Variants in PPP4R3B observed in about 807,000 individuals in gnomAD.
The protein encoded by PPP4R3B is serine/threonine-protein phosphatase 4 regulatory subunit 3B.
Under a neutral mutation model 95.4 loss-of-function variants are expected in PPP4R3B, and 52 were observed. The ratio of observed to expected loss-of-function variants is 0.54; its 90% confidence interval spans 0.44 to 0.69. The LOEUF (loss-of-function observed/expected upper bound fraction) is 0.69. PPP4R3B is among the 30% of genes least tolerant of loss of function. The pLI is 0.00. For missense variants in PPP4R3B, 1,003 were observed against 1,005.9 expected, an observed-to-expected ratio of 1.00 and a Z score of 0.04; for synonymous variants, 407 against 343.9, an observed-to-expected ratio of 1.18 and a Z score of -2.03.
At position 55,568,178 on chromosome 2, in the gene PPP4R3B, T is replaced by C. The variant is rs772039738; in HGVS notation, c.1935+16A>G. The stretch of plus-strand genomic sequence containing the variant: ...ATATAATTACATATAATAACAGCTG[T>C]TTTATATAAACTTACCACTCTTATA... On this transcript the variant is annotated intron_variant, in intron 13 of 16. Coordinates refer to ENST00000616407, the MANE Select transcript of PPP4R3B (RefSeq NM_001122964.3). The C allele has an allele frequency of 1.4e-6, 2 of 1,477,776 alleles. No individual in the cohort carries two copies. Among genetic ancestry groups the C allele is most frequent in the South Asian group, 3.0e-5 (2 of 66,572 alleles). 91.5% of individuals were successfully genotyped at this position (1,477,776 alleles called of 1,614,324 possible).
chr2:55,581,792 T>C (rs189312607), intron 7 of PPP4R3B, 94 bp from the exon 8 acceptor site: 579 of 1,349,228 alleles, frequency 4.3e-4, no homozygotes, highest in Middle Eastern at 1.4e-3. Flanking sequence ...AAGTGAGAAT[T>C]ATATAGAGAA....
At chr2:55,585,910 A>G (rs1164240669) in intron 6 of PPP4R3B, among the ~76,000 whole-genome samples, 1 of 151,772 alleles carries the variant, frequency 6.6e-6, no homozygotes, top group Non-Finnish European at 1.5e-5. Context: ...CTCTCATTCA[A>G]TCACAAGTAC....
rs1695093847 is a variant in PPP4R3B, at chr2:55,617,264, C to T, written c.22G>A (p.Val8Met). Residue 8 changes from valine to methionine, a missense_variant, in exon 1 of 17, where the codon GTG becomes ATG. Physicochemically the swap from Val to Met is conservative, Grantham distance 21. Coordinates refer to ENST00000616407, the MANE Select transcript of PPP4R3B (RefSeq NM_001122964.3). ...TCTTCGTTCAGGGTATAGACCTTCA[C>T]TCGCCGCCGCGTATCCGACATGGTG... MSDTRRRVKVYTLNEDRQ... is the reference protein window; with the variant it reads MSDTRRRMKVYTLNEDRQ... 1 of 1,602,180 alleles carries T rather than the reference C, an allele frequency of 6.2e-7. No homozygotes were observed. Among genetic ancestry groups the T allele is most frequent in the African/African-American group, 1.3e-5 (1 of 74,456 alleles).
intron 2 of PPP4R3B, among the ~76,000 whole-genome samples, chr2:55,606,464 C>T (rs1693406452): frequency 6.6e-6 from 1 of 151,890 alleles, no homozygotes; most frequent in Admixed American, 6.6e-5. Flanking sequence ...GCAAGTGGAT[C>T]ACTTGAGGCC....
chr2:55,603,834 G>C lies in PPP4R3B; in HGVS notation c.297+144C>G, dbSNP rs55715732. On this transcript the variant is annotated intron_variant, in intron 3 of 16. Coordinates refer to ENST00000616407, the MANE Select transcript of PPP4R3B (RefSeq NM_001122964.3). Reference sequence around the variant, plus strand: ...ACTTAAAGTAAAATAATTTGCCGTAGAATATAAAAAATTTCAAGTTAGATT... The same window carrying C: ...ACTTAAAGTAAAATAATTTGCCGTACAATATAAAAAATTTCAAGTTAGATT... 3 of 516,552 alleles carry C rather than the reference G, an allele frequency of 5.8e-6. No homozygotes were observed. In the African/African-American group the frequency reaches 5.9e-5, roughly 10 times the overall value. 32.0% of individuals were successfully genotyped at this position (516,552 alleles called of 1,614,324 possible).
chr2:55,582,128 C>T (rs1314937885), intron 7 of PPP4R3B, among the ~76,000 whole-genome samples: 1 of 152,016 alleles, frequency 6.6e-6, no homozygotes, highest in East Asian at 1.9e-4. Context: ...CTAGTAAATC[C>T]TTCCTAACAA....
At chr2:55,569,311 A>G (rs1469096610) in intron 12 of PPP4R3B, among the ~76,000 whole-genome samples, 2 of 152,102 alleles carry the variant, frequency 1.3e-5, no homozygotes, top group Admixed American at 1.3e-4. Flanking sequence ...AGACCGGGAA[A>G]GGGAGTCACC....
At chr2:55,597,957 C>T (rs771842575) in intron 4 of PPP4R3B, among the ~76,000 whole-genome samples, 1 of 152,308 alleles carries the variant, frequency 6.6e-6, no homozygotes, top group Middle Eastern at 3.4e-3. Flanking sequence ...GTGGCTCACG[C>T]CTATAATCCC....
Position 55,598,445 on chromosome 2 carries a change from TGAA to T in PPP4R3B, c.889_891del (p.Phe297del). 1 of 1,613,876 alleles carries T rather than the reference TGAA, an allele frequency of 6.2e-7. No homozygotes were observed. The highest frequency in any genetic ancestry group is 8.5e-7 in the Non-Finnish European group (1 of 1,179,962). On this transcript the variant is annotated inframe_deletion, in exon 4 of 17. Transcript: ENST00000616407. ...AACATGCTGACTATCTCAACTTTGT[TGAA>T]GAAAATAAAAGACGTAAGAGTAGAA...
At chr2:55,617,086 C>T (rs2103963832) in intron 1 of PPP4R3B, 58 bp downstream of exon 1, 1 of 1,530,060 alleles carries the variant, frequency 6.5e-7, no homozygotes, top group Admixed American at 2.1e-5. Context: ...GGCCCTAAAC[C>T]CAAGCTGTGC....
At chr2:55,564,172 A>G (rs1397495509) in intron 15 of PPP4R3B, 141 bp downstream of exon 15, 7 of 617,012 alleles carry the variant, frequency 1.1e-5, no homozygotes, top group South Asian at 3.8e-5. Context: ...GAAAAAGTAC[A>G]TAATTTTAAA....
At chr2:55,562,753 C>T (rs1469460125) in intron 15 of PPP4R3B, among the ~76,000 whole-genome samples, 1 of 152,190 alleles carries the variant, frequency 6.6e-6, no homozygotes, top group Non-Finnish European at 1.5e-5. Flanking sequence ...CCATTCTATG[C>T]TAGAACTCTA....
At chr2:55,566,226 T>C (rs763137601) in intron 13 of PPP4R3B, among the ~76,000 whole-genome samples, 48 of 152,182 alleles carry the variant, frequency 3.2e-4, no homozygotes, top group Non-Finnish European at 1.3e-4. Context: ...TACTTCTCAA[T>C]TGAAAAAAAA....
Position 55,564,896 on chromosome 2 carries a change from C to T in PPP4R3B, c.2075+6G>A, listed in dbSNP as rs759687350. On this transcript the variant is annotated splice_donor_region_variant and intron_variant, in intron 14 of 16. Coordinates refer to ENST00000616407, the MANE Select transcript of PPP4R3B (RefSeq NM_001122964.3). ...AGGCTATAAAAGCAGTATACTTAAA[C>T]AATACCTGTTCAGTTTCTGATTTTG... 11 of 1,608,122 alleles carry T rather than the reference C, an allele frequency of 6.8e-6. No individual in the cohort carries two copies. The Admixed American group carries it at 8.5e-5, about 12-fold the overall frequency.
intron 6 of PPP4R3B, 44 bp from the exon 7 acceptor site, chr2:55,585,211 G>T: frequency 1.4e-6 from 2 of 1,390,134 alleles, no homozygotes; most frequent in Non-Finnish European, 2.0e-6. Flanking sequence ...GTTAACAAAA[G>T]TTATTCTCAC....
intron 4 of PPP4R3B, among the ~76,000 whole-genome samples, chr2:55,597,559 T>A (rs190908496): frequency 7.2e-5 from 11 of 152,016 alleles, no homozygotes; most frequent in Non-Finnish European, 1.0e-4. Flanking sequence ...GAGGCGGAGC[T>A]TGCAGTGAGC....
At chr2:55,551,441 A>C (rs1184439878) in intron 16 of PPP4R3B, among the ~76,000 whole-genome samples, 1 of 152,160 alleles carries the variant, frequency 6.6e-6, no homozygotes, top group African/African-American at 2.4e-5. Context: ...TTTAGGCCTC[A>C]GTGAACTATT....
In PPP4R3B at chr2:55,549,749, G is replaced by T. The variant is rs1685038317; in HGVS notation, c.*162C>A. On this transcript the variant is annotated 3_prime_UTR_variant, in exon 17 of 17. Coordinates refer to ENST00000616407, the MANE Select transcript of PPP4R3B (RefSeq NM_001122964.3). ...AAGCAATCAAGTTCCTGGGAAGCCT[G>T]ATTTTTATTAGAACTAAACTCTCTT... 1.7e-6 allele frequency: 1 copy of T among 591,312 alleles called. No individual in the cohort carries two copies. Among genetic ancestry groups the T allele is most frequent in the African/African-American group, 1.9e-5 (1 of 51,438 alleles). The allele number at this position is 591,312 out of a possible 1,614,324, so 36.6% of individuals were successfully genotyped here.
At chr2:55,572,720 A>G (rs1203203591) in intron 12 of PPP4R3B, among the ~76,000 whole-genome samples, 1 of 152,198 alleles carries the variant, frequency 6.6e-6, no homozygotes, top group Non-Finnish European at 1.5e-5. Flanking sequence ...ATCCTATAGA[A>G]AGAAATAAAT....
Sources: gnomAD v4.1 joint callset for allele counts (sites outside exome capture counted in the v4.1 genomes callset) on GRCh38, gnomAD v4.1.1 for gene constraint, MANE v1.5 for transcripts, NCBI Gene and HGNC (gene_info 2026-07-23, HGNC 2026-07-21) for gene names.